AKAP9: variants seen among roughly 807,000 people sequenced by gnomAD.
The protein encoded by AKAP9 is A-kinase anchoring protein 9.
AKAP9 carries 311 observed loss-of-function variants against 488.5 expected under a neutral mutation model. That is an observed-to-expected ratio of 0.64 (90% CI 0.58 to 0.70). The LOEUF is 0.70. AKAP9 is among the 30% of genes least tolerant of loss of function. The pLI is 0.00. For synonymous variants in AKAP9, 1,462 were observed against 1,483.5 expected (o/e 0.99, Z 0.33); for missense variants, 4,215 against 4,374.5 (o/e 0.96, Z 1.03).
chr7:91,946,102 T>A (rs1273944279), intron 1 of AKAP9, among the ~76,000 whole-genome samples: 1 of 152,220 alleles, frequency 6.6e-6, no homozygotes, highest in Non-Finnish European at 1.5e-5. Context: ...AGGATGGTGC[T>A]CCATGCAAGC....
Position 91,984,129 on chromosome 7 carries a change from A to C in AKAP9, c.351+3796A>C, listed in dbSNP as rs188688869. 4.6e-3 allele frequency among the ~76,000 whole-genome samples: 698 copies of C among 152,192 alleles called. 2 individuals are homozygous for C. Among genetic ancestry groups the C allele is most frequent in the African/African-American group, 0.016 (670 of 41,516 alleles). On this transcript the variant is annotated intron_variant, in intron 3 of 49. Coordinates refer to ENST00000356239, the MANE Select transcript of AKAP9 (RefSeq NM_005751.5). The stretch of plus-strand genomic sequence containing the variant: ...TTCTTTTGCTGTGCAGAAGCTCTTT[A>C]GTTTAATTACATCCCATTTGTCTAT...
At chr7:91,966,567 T>A (rs988991115) in intron 1 of AKAP9, among the ~76,000 whole-genome samples, 5 of 152,214 alleles carry the variant, frequency 3.3e-5, no homozygotes, top group African/African-American at 1.2e-4. Context: ...GCCTATTTAG[T>A]GTGTAGTTTA....
At chr7:91,988,831 G>T (rs1306966555) in intron 3 of AKAP9, among the ~76,000 whole-genome samples, 1 of 151,944 alleles carries the variant, frequency 6.6e-6, no homozygotes, top group African/African-American at 2.4e-5. Context: ...AAGTTCTAGG[G>T]TACATGTGCA....
intron 28 of AKAP9, among the ~76,000 whole-genome samples, chr7:92,075,704 G>A (rs1812474073): frequency 6.6e-6 from 1 of 152,198 alleles, no homozygotes; most frequent in African/African-American, 2.4e-5. Context: ...TTGTAACAGG[G>A]TTTTAAGAAA....
rs1035841605 is a variant in AKAP9, at chr7:92,110,379, T to C, written c.*220T>C. 13 of 546,794 alleles carry C rather than the reference T, an allele frequency of 2.4e-5. No homozygotes were observed. The African/African-American group carries it at 2.5e-4, about 10-fold the overall frequency. The allele number at this position is 546,794 out of a possible 1,614,324, so 33.9% of individuals were successfully genotyped here. A position where few individuals can be genotyped will look rare whatever the true frequency, so the allele number is the denominator to read the frequency against. The stretch of plus-strand genomic sequence containing the variant: ...CACAATAATTATTGAATTACCTGTA[T>C]ATTTGTGGAATGCTAATTTAAAACA... On this transcript the variant is annotated 3_prime_UTR_variant, in exon 50 of 50. Coordinates refer to ENST00000356239, the MANE Select transcript of AKAP9 (RefSeq NM_005751.5).
intron 17 of AKAP9, 24 bp downstream of exon 17, chr7:92,038,796 A>G: frequency 6.7e-7 from 1 of 1,503,494 alleles, no homozygotes; most frequent in South Asian, 1.2e-5. Context: ...CTTGAATATA[A>G]AAAACTTATT....
Position 91,982,159 on chromosome 7 carries a change from T to TTACG in AKAP9, c.351+1833_351+1836dup, listed in dbSNP as rs908602135. ...TAATTTTTTTGTCATTCTAAGTATT[T>TTACG]TACGTACGTATGTATGTATGTATGT... On this transcript the variant is annotated intron_variant, in intron 3 of 49. Transcript: ENST00000356239. 2.5e-4 allele frequency among the ~76,000 whole-genome samples: 38 copies of TTACG among 149,112 alleles called. No homozygotes were observed. In the South Asian group the frequency reaches 4.2e-3, roughly 17 times the overall value.
chr7:92,016,084 AT>A, intron 10 of AKAP9, 44 bp from the exon 11 acceptor site: 1 of 1,517,684 alleles, frequency 6.6e-7, no homozygotes, highest in African/African-American at 1.4e-5. Context: ...AGAAGCAGAA[AT>A]CAAAATTTAA....
At chr7:92,044,310 G>T (rs1806601371) in intron 20 of AKAP9, among the ~76,000 whole-genome samples, 1 of 152,070 alleles carries the variant, frequency 6.6e-6, no homozygotes, top group Admixed American at 6.6e-5. Flanking sequence ...TTCTTCTGCC[G>T]ACTTAAATGA....
In AKAP9 at chr7:92,084,639, G is replaced by C; in HGVS notation, c.8647-1G>C. ...ATGTACTTTTTGTTTTCTCTAATTA[G>C]GGATCCTCAATTCCTGAGCTAGCAC... On this transcript the variant is annotated splice_acceptor_variant, in intron 33 of 49. Coordinates refer to ENST00000356239, the MANE Select transcript of AKAP9 (RefSeq NM_005751.5). LOFTEE classifies it high-confidence loss of function. 6.2e-7 allele frequency: 1 copy of C among 1,604,364 alleles called. No homozygotes were observed. Among genetic ancestry groups the C allele is most frequent in the Non-Finnish European group, 8.5e-7 (1 of 1,172,300 alleles).
intron 1 of AKAP9, among the ~76,000 whole-genome samples, chr7:91,955,472 A>G (rs1792870099): frequency 6.6e-6 from 1 of 152,096 alleles, no homozygotes; most frequent in Admixed American, 6.6e-5. Context: ...GCTTTTCTAT[A>G]CCACATATAT....
chr7:92,046,751 A>G (rs1807074439), intron 21 of AKAP9, among the ~76,000 whole-genome samples: 1 of 152,222 alleles, frequency 6.6e-6, no homozygotes, highest in African/African-American at 2.4e-5. Context: ...TGGTCTGATA[A>G]AAGTGTTTAT....
chr7:92,011,547 T>G (rs1360309544), intron 8 of AKAP9, among the ~76,000 whole-genome samples: 1 of 152,124 alleles, frequency 6.6e-6, no homozygotes, highest in Non-Finnish European at 1.5e-5. Context: ...GACAAGTAAA[T>G]ACTCAAGAAT....
chr7:92,079,789 T>C lies in AKAP9; in HGVS notation c.7656T>C (p.Ala2552=), dbSNP rs768012621. The part of the protein sequence containing the change: ...NLQKIVEEKV[A]AALVSQIQLE... ...AGAAAATAGTTGAAGAAAAAGTGGC[T>C]GCTGCTCTTGTCAGTCAAATCCAAC... is the stretch of plus-strand genomic sequence containing the variant. Residue 2552 remains alanine (A), a synonymous_variant, in exon 31 of 50, where the codon GCT becomes GCC. Coordinates refer to ENST00000356239, the MANE Select transcript of AKAP9 (RefSeq NM_005751.5). 5.0e-6 allele frequency: 8 copies of C among 1,613,972 alleles called. No individual in the cohort carries two copies. Among genetic ancestry groups the C allele is most frequent in the Non-Finnish European group, 6.8e-6 (8 of 1,180,012 alleles).
intron 1 of AKAP9, among the ~76,000 whole-genome samples, chr7:91,950,040 A>T (rs544649939): frequency 6.6e-6 from 1 of 152,290 alleles, no homozygotes; most frequent in Admixed American, 6.5e-5. Flanking sequence ...TACTATACAA[A>T]GTCCTAATCT....
intron 3 of AKAP9, among the ~76,000 whole-genome samples, chr7:91,983,912 G>T (rs1343458308): frequency 6.6e-6 from 1 of 152,138 alleles, no homozygotes; most frequent in Admixed American, 6.5e-5. Context: ...TTTTTCATGT[G>T]TCTGTTGGCT....
At chr7:91,966,590 A>G (rs1336887303) in intron 1 of AKAP9, among the ~76,000 whole-genome samples, 1 of 152,060 alleles carries the variant, frequency 6.6e-6, no homozygotes, top group African/African-American at 2.4e-5. Context: ...TCTGATGTTT[A>G]TTTTCTGTGT....
chr7:91,992,678 A>AAC lies in AKAP9; in HGVS notation c.406-206_406-205insCA, dbSNP rs1554400005. Among the ~76,000 whole-genome samples the AAC allele has an allele frequency of 3.4e-3, 491 of 143,714 alleles. 6 individuals are homozygous for AAC. Among genetic ancestry groups the AAC allele is most frequent in the African/African-American group, 8.5e-3 (327 of 38,580 alleles). The allele number at this position is 143,714 out of a possible 152,430, so 94.3% of individuals were successfully genotyped here. The stretch of plus-strand genomic sequence containing the variant: ...GACTCTGTCAAAAAAAAAAAAAAAA[A>AAC]AAAAAAACTCAATTGTAACAGAATT... On this transcript the variant is annotated intron_variant, in intron 4 of 49. Coordinates refer to ENST00000356239, the MANE Select transcript of AKAP9 (RefSeq NM_005751.5).
chr7:92,014,525 AG>A (rs1801237157), intron 10 of AKAP9, among the ~76,000 whole-genome samples, 197 bp downstream of exon 10: 1 of 152,166 alleles, frequency 6.6e-6, no homozygotes. Flanking sequence ...GCTACTTGGG[AG>A]ACTGAGGCAT....
Sources: gnomAD v4.1 joint callset for allele counts (sites outside exome capture counted in the v4.1 genomes callset) on GRCh38, gnomAD v4.1.1 for gene constraint, MANE v1.5 for transcripts, NCBI Gene and HGNC (gene_info 2026-07-23, HGNC 2026-07-21) for gene names.